The following NELL1 variants were observed in gnomAD, a reference collection of about 807,000 sequenced individuals.
NELL1 encodes the protein protein kinase C-binding protein NELL1.
NELL1 carries 76 observed loss-of-function variants against 107.4 expected under a neutral mutation model. The observed-to-expected ratio is 0.71, with a 90% CI of 0.59 to 0.86. NELL1 has a LOEUF of 0.86. Ranked by LOEUF, NELL1 falls within the 40% of genes least tolerant of loss-of-function variation. The pLI is 0.00. For synonymous variants in NELL1, 353 were observed against 341.2 expected, an observed-to-expected ratio of 1.03 and a Z score of -0.38; for missense variants, 1,024 against 1,005.5, an observed-to-expected ratio of 1.02 and a Z score of -0.25.
chr11:20,865,902 C>G (rs7124195), intron 4 of NELL1, among the ~76,000 whole-genome samples: 98,403 of 152,060 alleles, frequency 0.65, 33,362 homozygotes, highest in Non-Finnish European at 0.76. Flanking sequence ...GACTGTTACA[C>G]ATCCTAAGTC....
chr11:20,811,213 C>A (rs915704905), intron 3 of NELL1, among the ~76,000 whole-genome samples: 21 of 152,076 alleles, frequency 1.4e-4, no homozygotes, highest in African/African-American at 5.1e-4. Context: ...ATTTGGGTAT[C>A]CAGTTTTTCC....
At chr11:20,701,180 G>A (rs1854773662) in intron 2 of NELL1, among the ~76,000 whole-genome samples, 1 of 152,090 alleles carries the variant, frequency 6.6e-6, no homozygotes, top group Non-Finnish European at 1.5e-5. Flanking sequence ...GTTGTTTCTT[G>A]TCTTTTTAAT....
chr11:21,441,391 A>G (rs1853282203), intron 15 of NELL1, among the ~76,000 whole-genome samples: 1 of 143,046 alleles, frequency 7.0e-6, no homozygotes, highest in Non-Finnish European at 1.5e-5. Context: ...GTTCTATGAT[A>G]TGGTATGTTC....
intron 17 of NELL1, among the ~76,000 whole-genome samples, chr11:21,568,951 C>A (rs2134011286): frequency 6.6e-6 from 1 of 151,530 alleles, no homozygotes; most frequent in South Asian, 2.1e-4. Flanking sequence ...AAACCAGTAA[C>A]CTAGCCATTT....
In NELL1 at chr11:21,232,179, A is replaced by ATATATATATATATATATATATATAT. The variant is rs1565122814; in HGVS notation, c.1549+2725_1549+2726insTATATATATATATATATATATATAT. ...AAAAAAATATATATATATATATATA[A>ATATATATATATATATATATATATAT]ATTAGCTGGGCGTGGTGGTGTCCAC... On this transcript the variant is annotated intron_variant, in intron 14 of 19. Coordinates refer to ENST00000357134, the MANE Select transcript of NELL1 (RefSeq NM_006157.5). Among the ~76,000 whole-genome samples, 465 of 110,974 alleles carry ATATATATATATATATATATATATAT rather than the reference A, an allele frequency of 4.2e-3. 4 individuals are homozygous for ATATATATATATATATATATATATAT. Among genetic ancestry groups the ATATATATATATATATATATATATAT allele is most frequent in the Non-Finnish European group, 6.0e-3 (328 of 54,756 alleles). 72.8% of individuals were successfully genotyped at this position (110,974 alleles called of 152,430 possible).
At chr11:21,457,799 T>C (rs965397424) in intron 15 of NELL1, among the ~76,000 whole-genome samples, 1 of 152,040 alleles carries the variant, frequency 6.6e-6, no homozygotes, top group Non-Finnish European at 1.5e-5. Context: ...TAAGTAGCCT[T>C]GGGGAAAAAA....
chr11:20,849,008 G>A (rs1848750109), intron 4 of NELL1, among the ~76,000 whole-genome samples: 1 of 152,126 alleles, frequency 6.6e-6, no homozygotes, highest in Non-Finnish European at 1.5e-5. Flanking sequence ...TGCAGACTGG[G>A]GCTGGGCAGC....
intron 5 of NELL1, among the ~76,000 whole-genome samples, chr11:20,905,588 T>C (rs1014319477): frequency 6.6e-6 from 1 of 151,906 alleles, no homozygotes; most frequent in African/African-American, 2.4e-5. Flanking sequence ...GAGATATAAA[T>C]TATAAAAAGG....
intron 15 of NELL1, among the ~76,000 whole-genome samples, chr11:21,478,157 G>T (rs1040374878): frequency 2.7e-4 from 41 of 152,222 alleles, no homozygotes; most frequent in African/African-American, 9.6e-4. Context: ...GAGAAAGAGT[G>T]CAGGGAAAAC....
At chr11:21,173,061 T>A (rs973027763) in intron 13 of NELL1, among the ~76,000 whole-genome samples, 1 of 151,844 alleles carries the variant, frequency 6.6e-6, no homozygotes, top group African/African-American at 2.4e-5. Flanking sequence ...TTACAATAGA[T>A]CTCACTATGG....
At chr11:21,475,427 C>T (rs894635303) in intron 15 of NELL1, among the ~76,000 whole-genome samples, 2 of 152,124 alleles carry the variant, frequency 1.3e-5, no homozygotes, top group Admixed American at 1.3e-4. Context: ...AGCCACATTC[C>T]TTGTCACATA....
intron 12 of NELL1, among the ~76,000 whole-genome samples, chr11:21,034,032 A>G (rs2138596): frequency 0.024 from 3,684 of 152,106 alleles, 146 homozygotes; most frequent in African/African-American, 0.083. Context: ...CAGTTTGTCA[A>G]TTTTTGTTTT....
chr11:21,270,135 C>G (rs1197428723), intron 14 of NELL1, among the ~76,000 whole-genome samples: 1 of 151,910 alleles, frequency 6.6e-6, no homozygotes, highest in Non-Finnish European at 1.5e-5. Context: ...GATTGGAAGA[C>G]TAAAATAGAA....
At chr11:20,788,831 T>C (rs954731884) in intron 3 of NELL1, among the ~76,000 whole-genome samples, 32 of 152,168 alleles carry the variant, frequency 2.1e-4, no homozygotes, top group African/African-American at 6.3e-4. Flanking sequence ...CTCTTAGATA[T>C]ATTTTGAGTT....
intron 13 of NELL1, among the ~76,000 whole-genome samples, chr11:21,174,914 T>C (rs1856681104): frequency 6.6e-6 from 1 of 151,776 alleles, no homozygotes. Context: ...TTCATTCTTA[T>C]TGACATTCAA....
intron 14 of NELL1, among the ~76,000 whole-genome samples, chr11:21,289,505 C>G (rs1849202392): frequency 6.6e-6 from 1 of 152,214 alleles, no homozygotes. Context: ...TTCCCATGGT[C>G]TTCGCAACTT....
At chr11:21,516,102 A>G (rs1189647072) in intron 15 of NELL1, among the ~76,000 whole-genome samples, 1 of 152,172 alleles carries the variant, frequency 6.6e-6, no homozygotes, top group African/African-American at 2.4e-5. Context: ...TGCTTATAGA[A>G]GAACAGAGTG....
intron 12 of NELL1, among the ~76,000 whole-genome samples, chr11:21,015,198 A>G (rs1852537574): frequency 6.6e-6 from 1 of 151,990 alleles, no homozygotes; most frequent in Non-Finnish European, 1.5e-5. Context: ...AGTTTGATGA[A>G]TATATTAGTT....
At chr11:20,712,298 A>T (rs1426138908) in intron 2 of NELL1, among the ~76,000 whole-genome samples, 2 of 147,606 alleles carry the variant, frequency 1.4e-5, no homozygotes, top group African/African-American at 5.1e-5. Context: ...TCATTTCCAG[A>T]AATTATAATT....
Sources: allele counts gnomAD v4.1 joint callset (sites outside exome capture counted in the v4.1 genomes callset), GRCh38; gene constraint gnomAD v4.1.1; transcripts MANE v1.5; gene names NCBI Gene and HGNC (gene_info 2026-07-23, HGNC 2026-07-21).